The following KLHL14 variants were observed in gnomAD, a reference collection of about 807,000 sequenced individuals.
The protein encoded by KLHL14 is kelch like family member 14.
KLHL14 carries 22 observed loss-of-function variants against 64.3 expected under a neutral mutation model. The observed-to-expected ratio is 0.34, with a 90% CI of 0.24 to 0.49. The LOEUF (loss-of-function observed/expected upper bound fraction) is 0.49. KLHL14 is among the 20% of genes least tolerant of loss of function. KLHL14 has a pLI of 0.99. For missense variants in KLHL14, 661 were observed against 789.0 expected (o/e 0.84, Z 1.94); for synonymous variants, 322 against 333.4 (o/e 0.97, Z 0.37).
intron 1 of KLHL14, chr18:32,772,332 C>A (rs748691295): frequency 4.9e-5 from 13 of 263,718 alleles, no homozygotes; most frequent in South Asian, 3.1e-4. Context: ...GCAGCACCCC[C>A]ACGCCCGCCC....
intron 3 of KLHL14, among the ~76,000 whole-genome samples, chr18:32,736,326 G>A (rs945321633): frequency 3.3e-5 from 5 of 152,104 alleles, no homozygotes; most frequent in African/African-American, 1.2e-4. Flanking sequence ...GTGCAGCCAT[G>A]TATCTCAAAT....
At chr18:32,706,649 T>A (rs1488228590) in intron 3 of KLHL14, among the ~76,000 whole-genome samples, 2 of 152,174 alleles carry the variant, frequency 1.3e-5, no homozygotes, top group Non-Finnish European at 2.9e-5. Context: ...TGGTTTGAAC[T>A]GGTTGTCTGT....
At chr18:32,709,562 C>G (rs1210008894) in intron 3 of KLHL14, among the ~76,000 whole-genome samples, 2 of 152,120 alleles carry the variant, frequency 1.3e-5, no homozygotes, top group Non-Finnish European at 2.9e-5. Context: ...ATCCTCCCCC[C>G]TCAGCCTTCC....
intron 2 of KLHL14, among the ~76,000 whole-genome samples, chr18:32,750,412 C>CA (rs1302881546): frequency 3.3e-5 from 5 of 152,130 alleles, no homozygotes; most frequent in Non-Finnish European, 5.9e-5. Context: ...ACAAAGTACT[C>CA]ATTTGAAAAT....
rs1208905382 is a variant in KLHL14, at chr18:32,716,478, G to A, written c.1070-20926C>T. ...CGCCCAGGCTGGAGTGCAATGGCAC[G>A]ATCTCGGCTCACTGCAACCTCTGCC... is the stretch of plus-strand genomic sequence containing the variant. On this transcript the variant is annotated intron_variant, in intron 3 of 8. Coordinates refer to ENST00000359358, the MANE Select transcript of KLHL14 (RefSeq NM_020805.3). Among the ~76,000 whole-genome samples the A allele has an allele frequency of 3.3e-5, 5 of 151,882 alleles. 1 individual carries two copies. The Middle Eastern group carries it at 0.01, about 310-fold the overall frequency.
intron 4 of KLHL14, among the ~76,000 whole-genome samples, chr18:32,692,477 T>C (rs1167924180): frequency 6.6e-6 from 1 of 152,198 alleles, no homozygotes; most frequent in South Asian, 2.1e-4. Flanking sequence ...ATTGCTCTCC[T>C]TTATATGTTT....
In KLHL14 at chr18:32,683,935, A is replaced by G. The variant is rs895491102; in HGVS notation, c.1238+3220T>C. On this transcript the variant is annotated intron_variant, in intron 5 of 8. Coordinates refer to ENST00000359358, the MANE Select transcript of KLHL14 (RefSeq NM_020805.3). The surrounding 1 kb of genome is among the most constrained non-coding windows in gnomAD (Gnocchi z 4.2). ...ATATTACTAGAAAAACAAAATATTT[A>G]AAATTTGATGCATTTTTGACATATT... Among the ~76,000 whole-genome samples the G allele has an allele frequency of 2.0e-5, 3 of 152,186 alleles. No individual in the cohort carries two copies. Among genetic ancestry groups the G allele is most frequent in the African/African-American group, 7.2e-5 (3 of 41,460 alleles).
chr18:32,770,129 C>T lies in KLHL14; in HGVS notation c.463G>A (p.Glu155Lys), dbSNP rs2050371807. The stretch of plus-strand genomic sequence containing the variant: ...ATCTTGCTGACCGACAGCACCTCCT[C>T]CACCGTGTCCAGGGACAGGGTCACG... ...ANVTLSLDTV[E>K]EVLSVSKILH... The change falls in exon 2 of 9, where the codon GAG becomes AAG. Residue 155 changes from glutamate to lysine, a missense_variant. This residue lies in a region of KLHL14 where 331 missense variants were observed against 339.0 expected (regional missense o/e 0.98). Transcript: ENST00000359358. The surrounding 1 kb of genome is among the most constrained non-coding windows in gnomAD (Gnocchi z 6.7). The T allele has an allele frequency of 6.2e-7, 1 of 1,614,070 alleles. No individual in the cohort carries two copies. Among genetic ancestry groups the T allele is most frequent in the African/African-American group, 1.3e-5 (1 of 74,946 alleles).
chr18:32,717,130 T>G (rs1005041882), intron 3 of KLHL14, among the ~76,000 whole-genome samples: 2 of 152,262 alleles, frequency 1.3e-5, no homozygotes, highest in Non-Finnish European at 2.9e-5. Context: ...ATGAATATTT[T>G]TATTCTATTT....
rs929587374 is a variant in KLHL14, at chr18:32,676,993, A to G, written c.1746+180T>C. On this transcript the variant is annotated intron_variant, in intron 8 of 8. Coordinates refer to ENST00000359358, the MANE Select transcript of KLHL14 (RefSeq NM_020805.3). ...CACCTTGTGATGCTGTTGATCAGCT[A>G]GCAAGCCAGTTCAACAGCCACCAGG... is the stretch of plus-strand genomic sequence containing the variant. Among the ~76,000 whole-genome samples, 3 of 152,176 alleles carry G rather than the reference A, an allele frequency of 2.0e-5. No homozygotes were observed. In the East Asian group the frequency reaches 5.8e-4, roughly 29 times the overall value.
At chr18:32,713,948 TCTTTTAAAAATCTAC>T in intron 3 of KLHL14, among the ~76,000 whole-genome samples, 1 of 152,170 alleles carries the variant, frequency 6.6e-6, no homozygotes, top group African/African-American at 2.4e-5. Flanking sequence ...CCATTAAATT[TCTTTTAAAAATCTAC>T]CTTTGATAAA....
chr18:32,715,064 G>T (rs1362109134), intron 3 of KLHL14, among the ~76,000 whole-genome samples: 1 of 152,026 alleles, frequency 6.6e-6, no homozygotes, highest in Non-Finnish European at 1.5e-5. Flanking sequence ...CTATAAAGTA[G>T]TTTCTCCTTT....
At chr18:32,679,728 G>A (rs1292974108) in intron 7 of KLHL14, among the ~76,000 whole-genome samples, 3 of 151,636 alleles carry the variant, frequency 2.0e-5, no homozygotes, top group South Asian at 2.1e-4. Context: ...ACAAATATCT[G>A]GTAAATATTA....
intron 3 of KLHL14, chr18:32,733,609 C>CT: frequency 6.6e-6 from 1 of 152,426 alleles, no homozygotes; most frequent in East Asian, 1.9e-4. Context: ...CTATGGTCCT[C>CT]TAAGTGTTTA....
Position 32,770,328 on chromosome 18 carries a change from C to A in KLHL14, c.264G>T (p.Pro88=). 2 of 1,584,052 alleles carry A rather than the reference C, an allele frequency of 1.3e-6. No individual in the cohort carries two copies. Among genetic ancestry groups the A allele is most frequent in the Non-Finnish European group, 1.7e-6 (2 of 1,165,638 alleles). Reference sequence around the variant, plus strand: ...GCTGCTGCTGTGACGGCTGCTGCTGCGGCGGCTGCTGCTGGTCCTTGGGGG... The same window carrying A: ...GCTGCTGCTGTGACGGCTGCTGCTGAGGCGGCTGCTGCTGGTCCTTGGGGG... ...LGAPKDQQQP[P]QQQPSQQQQP... is the part of the protein sequence containing the mutation. Residue 88 remains proline (P), a synonymous_variant, in exon 2 of 9, where the codon CCG becomes CCT. Coordinates refer to ENST00000359358, the MANE Select transcript of KLHL14 (RefSeq NM_020805.3). The surrounding 1 kb of genome is among the most constrained non-coding windows in gnomAD (Gnocchi z 6.7).
At chr18:32,766,032 T>G (rs2050341764) in intron 2 of KLHL14, among the ~76,000 whole-genome samples, 1 of 152,100 alleles carries the variant, frequency 6.6e-6, no homozygotes, top group Non-Finnish European at 1.5e-5. Flanking sequence ...GGTGTTTTCT[T>G]GGAGAAGGTT....
At chr18:32,733,897 A>G (rs1346700177) in intron 3 of KLHL14, 1 of 461,768 alleles carries the variant, frequency 2.2e-6, no homozygotes, top group Non-Finnish European at 3.9e-6. Context: ...TACTGGGGTG[A>G]TCCTGTCCCT....
At chr18:32,762,368 A>G (rs1055036164) in intron 2 of KLHL14, among the ~76,000 whole-genome samples, 4 of 152,044 alleles carry the variant, frequency 2.6e-5, no homozygotes, top group African/African-American at 7.2e-5. Flanking sequence ...CAGTCTTTAG[A>G]AATTTCTTGC....
chr18:32,764,570 A>G (rs998641170), intron 2 of KLHL14, among the ~76,000 whole-genome samples: 13 of 152,136 alleles, frequency 8.5e-5, no homozygotes, highest in African/African-American at 3.1e-4. Context: ...AATCCAGTCC[A>G]TGTTCTATTT....
Sources: gnomAD v4.1 joint callset for allele counts (sites outside exome capture counted in the v4.1 genomes callset) on GRCh38, gnomAD v4.1.1 for gene constraint, gnomAD v4.1.1 regional missense constraint, Gnocchi (gnomAD v3.1) non-coding constraint, MANE v1.5 for transcripts, NCBI Gene and HGNC (gene_info 2026-07-23, HGNC 2026-07-21) for gene names.